Variants in CYP4V2 observed in about 807,000 individuals in gnomAD.
CYP4V2 encodes the protein cytochrome P450 family 4 subfamily V member 2, also known as cytochrome P450 4V2.
A neutral mutation model predicts 60.8 loss-of-function variants in CYP4V2; 55 were observed. That is an observed-to-expected ratio of 0.90 (90% CI 0.73 to 1.13). CYP4V2 has a LOEUF of 1.13. Ranked by LOEUF, CYP4V2 falls within the 50% of genes most tolerant of loss-of-function variation. The probability of loss-of-function intolerance (pLI) is 0.00; values close to 1 mark genes in which losing one functional copy is unlikely to be tolerated. For missense variants in CYP4V2, 675 were observed against 662.9 expected, an observed-to-expected ratio of 1.02 and a Z score of -0.20; for synonymous variants, 239 against 236.8, an observed-to-expected ratio of 1.01 and a Z score of -0.08.
intron 7 of CYP4V2, chr4:186,203,873 A>G (rs933571362): frequency 2.6e-5 from 4 of 152,228 alleles, no homozygotes; most frequent in African/African-American, 9.6e-5. Flanking sequence ...TAAAACAAGT[A>G]CTTTGAAGAT....
chr4:186,192,269 C>A (rs1305052342), intron 1 of CYP4V2: 2 of 706,890 alleles, frequency 2.8e-6, no homozygotes, highest in Non-Finnish European at 5.1e-6. Context: ...TGCGGTATTT[C>A]CAAACCCCTG....
At chr4:186,194,174 C>A (rs1736074347) in intron 1 of CYP4V2, among the ~76,000 whole-genome samples, 1 of 152,168 alleles carries the variant, frequency 6.6e-6, no homozygotes, top group African/African-American at 2.4e-5. Flanking sequence ...CAGTTTCCAC[C>A]ATTTACTAGC....
intron 8 of CYP4V2, among the ~76,000 whole-genome samples, chr4:186,205,843 T>C (rs1736480706): frequency 6.6e-6 from 1 of 152,156 alleles, no homozygotes; most frequent in Non-Finnish European, 1.5e-5. Flanking sequence ...GCTTTTGTCC[T>C]CATGATTGAC....
chr4:186,202,256 C>G (rs1265185523), intron 7 of CYP4V2: 1 of 152,150 alleles, frequency 6.6e-6, no homozygotes, highest in Non-Finnish European at 1.5e-5. Flanking sequence ...CTTTTTTAAG[C>G]AGAAAACTTT....
intron 7 of CYP4V2, chr4:186,202,368 T>C (rs1736329420): frequency 6.6e-6 from 1 of 152,218 alleles, no homozygotes; most frequent in Admixed American, 6.5e-5. Context: ...GCTAACATGC[T>C]GGGACCATGA....
chr4:186,196,875 T>C (rs1352810201), intron 3 of CYP4V2, 65 bp from the exon 4 acceptor site: 1 of 1,517,994 alleles, frequency 6.6e-7, no homozygotes, highest in East Asian at 2.3e-5. Context: ...TTTTGGATGT[T>C]ACTTTTCTCT....
At chr4:186,194,364 T>C (rs1736080453) in intron 1 of CYP4V2, 136 bp from the exon 2 acceptor site, 1 of 759,260 alleles carries the variant, frequency 1.3e-6, no homozygotes, top group Non-Finnish European at 2.3e-6. Flanking sequence ...TCACACATGC[T>C]CTCTACCTGG....
At position 186,197,143 on chromosome 4, in the gene CYP4V2, G is replaced by C. The variant is rs749271531; in HGVS notation, c.604+13G>C. 3 of 1,612,988 alleles carry C rather than the reference G, an allele frequency of 1.9e-6. No individual in the cohort carries two copies. In the African/African-American group the frequency reaches 4.0e-5, roughly 22 times the overall value. On this transcript the variant is annotated intron_variant, in intron 4 of 10. Transcript: ENST00000378802. The stretch of plus-strand genomic sequence containing the variant: ...GATATCATCTGTGGTGAGTCTCATC[G>C]ATCTGTTTCTAAATTTATGGCATAA...
At chr4:186,192,132 G>T (rs1259193146) in intron 1 of CYP4V2, 95 bp downstream of exon 1, 4 of 1,443,956 alleles carry the variant, frequency 2.8e-6, no homozygotes, top group African/African-American at 2.8e-5. Context: ...GGCGCTGGCC[G>T]CAGGAGAGAG....
Position 186,205,210 on chromosome 4 carries a change from C to A in CYP4V2, c.998C>A (p.Thr333Lys). ...VDTFMFEGHD[T>K]TAAAINWSLY... is the part of the protein sequence containing the mutation. The stretch of plus-strand genomic sequence containing the variant: ...TTTCTGCATTTGTAGGGGCACGATA[C>A]AACTGCAGCTGCAATAAACTGGTCC... The change falls in exon 8 of 11, where the codon ACA (threonine) becomes AAA (lysine). Residue 333 changes from threonine to lysine, a missense_variant. Thr to Lys is a moderately conservative substitution (Grantham distance 78, BLOSUM62 -1). Coordinates refer to ENST00000378802, the MANE Select transcript of CYP4V2 (RefSeq NM_207352.4). The A allele has an allele frequency of 3.1e-6, 5 of 1,614,224 alleles. No homozygotes were observed. Among genetic ancestry groups the A allele is most frequent in the Non-Finnish European group, 4.2e-6 (5 of 1,180,028 alleles).
Position 186,201,284 on chromosome 4 carries a change from A to G in CYP4V2, c.929A>G (p.Glu310Gly). 1.2e-6 allele frequency: 2 copies of G among 1,614,204 alleles called. No individual in the cohort carries two copies. The highest frequency in any genetic ancestry group is 1.7e-6 in the Non-Finnish European group (2 of 1,180,046). ...LDLLLSVTDD[E>G]GNRLSHEDIR... ...TTGCTTTTAAGTGTGACTGATGACG[A>G]AGGGAACAGGCTAAGTCATGAAGAT... The change falls in exon 7 of 11, where the codon GAA (glutamate) becomes GGA (glycine). Residue 310 changes from glutamate to glycine, a missense_variant. Transcript: ENST00000378802.
chr4:186,210,595 A>G lies in CYP4V2; in HGVS notation c.1532A>G (p.Asn511Ser). ...GGACAGTTGATTCTTCGTCCAAGTA[A>G]TGGCATCTGGATCAAGTTGAAGAGG... ...LEGQLILRPS[N>S]GIWIKLKRRN... is the part of the protein sequence containing the mutation. The change falls in exon 11 of 11, where the codon AAT becomes AGT. Residue 511 changes from asparagine (N) to serine (S), a missense_variant. Physicochemically the swap from Asn to Ser is conservative, Grantham distance 46 (BLOSUM62 1). Coordinates refer to ENST00000378802, the MANE Select transcript of CYP4V2 (RefSeq NM_207352.4). 1 of 1,614,170 alleles carries G rather than the reference A, an allele frequency of 6.2e-7. No individual in the cohort carries two copies. Among genetic ancestry groups the G allele is most frequent in the Non-Finnish European group, 8.5e-7 (1 of 1,180,022 alleles).
chr4:186,199,067 ATACT>A lies in CYP4V2; in HGVS notation c.787_790del (p.Thr263LeufsTer13). ...CACAAAAAGAGCCTTCAGATCCTAC[ATACT>A]TTTACCAACAGTGTAAGTCCCTGAC... On this transcript the variant is annotated frameshift_variant, in exon 6 of 11. Coordinates refer to ENST00000378802, the MANE Select transcript of CYP4V2 (RefSeq NM_207352.4). LOFTEE classifies it high-confidence loss of function. 6.2e-7 allele frequency: 1 copy of A among 1,613,964 alleles called. No individual in the cohort carries two copies. Among genetic ancestry groups the A allele is most frequent in the Non-Finnish European group, 8.5e-7 (1 of 1,179,806 alleles).
In CYP4V2 at chr4:186,211,782, T is replaced by C. The variant is rs1269673096; in HGVS notation, c.*1141T>C. 1 of 152,164 alleles carries C rather than the reference T, an allele frequency of 6.6e-6. No individual in the cohort carries two copies. The highest frequency in any genetic ancestry group is 1.5e-5 in the Non-Finnish European group (1 of 68,036). The allele number at this position is 152,164 out of a possible 1,614,324, so 9.4% of individuals were successfully genotyped here. A position where few individuals can be genotyped will look rare whatever the true frequency, so the allele number is the denominator to read the frequency against. Reference sequence around the variant, plus strand: ...AAAATTATATTAGTGGGACCAGTTATGACAAGAATAATCATTATAGTACTT... The same window carrying C: ...AAAATTATATTAGTGGGACCAGTTACGACAAGAATAATCATTATAGTACTT... On this transcript the variant is annotated 3_prime_UTR_variant, in exon 11 of 11. Transcript: ENST00000378802.
At chr4:186,204,920 G>A (rs1579972244) in intron 7 of CYP4V2, 2 of 476,376 alleles carry the variant, frequency 4.2e-6, no homozygotes, top group South Asian at 2.1e-5. Flanking sequence ...AGCTCACCTC[G>A]TGCCCATGGA....
At chr4:186,193,922 T>C (rs937949769) in intron 1 of CYP4V2, among the ~76,000 whole-genome samples, 1 of 152,242 alleles carries the variant, frequency 6.6e-6, no homozygotes, top group Admixed American at 6.5e-5. Flanking sequence ...TGTGACAAAG[T>C]CTGCCTTCCC....
intron 1 of CYP4V2, 42 bp downstream of exon 1, chr4:186,192,079 G>T (rs1242163438): frequency 6.5e-7 from 1 of 1,535,588 alleles, no homozygotes; most frequent in Non-Finnish European, 8.7e-7. Flanking sequence ...GGGGTCCGCA[G>T]CCCCGTTCCC....
In CYP4V2 at chr4:186,213,150, A is replaced by C. The variant is rs889261647; in HGVS notation, c.*2509A>C. ...GAGAATGTCTTTCAGCTCCAGAATT[A>C]TTGTTACTCATATTTTAATCAGTAA... is the stretch of plus-strand genomic sequence containing the variant. On this transcript the variant is annotated 3_prime_UTR_variant, in exon 11 of 11. Transcript: ENST00000378802. 6.6e-6 allele frequency: 1 copy of C among 152,180 alleles called. No homozygotes were observed. The highest frequency in any genetic ancestry group is 2.4e-5 in the African/African-American group (1 of 41,438). 9.4% of individuals were successfully genotyped at this position (152,180 alleles called of 1,614,324 possible). A position where few individuals can be genotyped will look rare whatever the true frequency, so the allele number is the denominator to read the frequency against.
chr4:186,199,989 C>T (rs1456234733), intron 6 of CYP4V2, among the ~76,000 whole-genome samples: 2 of 152,080 alleles, frequency 1.3e-5, no homozygotes, highest in African/African-American at 4.8e-5. Flanking sequence ...TCCATGAATG[C>T]AATGTTGGCT....
Sources: allele counts gnomAD v4.1 joint callset (sites outside exome capture counted in the v4.1 genomes callset), GRCh38; gene constraint gnomAD v4.1.1; transcripts MANE v1.5; gene names NCBI Gene and HGNC (gene_info 2026-07-23, HGNC 2026-07-21).